Variants in NUP210 observed in about 807,000 individuals in gnomAD.
NUP210 encodes the protein nuclear pore membrane glycoprotein 210.
In NUP210, 151 loss-of-function variants were observed where a neutral mutation model predicts 196.0. The ratio of observed to expected loss-of-function variants is 0.77; its 90% CI spans 0.67 to 0.88. The LOEUF is 0.88. Ranked by LOEUF, NUP210 falls within the 40% of genes least tolerant of loss-of-function variation. NUP210 has a pLI of 0.00. For synonymous variants in NUP210, 1,070 were observed against 1,052.7 expected (o/e 1.02, Z -0.32); for missense variants, 2,314 against 2,493.7 (o/e 0.93, Z 1.53).
At chr3:13,328,183 T>C (rs905592312) in intron 31 of NUP210, among the ~76,000 whole-genome samples, 25 of 152,234 alleles carry the variant, frequency 1.6e-4, no homozygotes, top group Non-Finnish European at 3.1e-4. Context: ...AACTGATGGA[T>C]GGCAATTATG....
At chr3:13,329,947 CCTT>C (rs1696928876) in intron 30 of NUP210, among the ~76,000 whole-genome samples, 1 of 152,228 alleles carries the variant, frequency 6.6e-6, no homozygotes, top group African/African-American at 2.4e-5. Context: ...GCCTCAGTCT[CCTT>C]GTCTGGAAAA....
rs1559300714 is a variant in NUP210, at chr3:13,317,714, TGAGG to T, written c.5627_5630del (p.Pro1876GlnfsTer46). 6.2e-7 allele frequency: 1 copy of T among 1,611,274 alleles called. No homozygotes were observed. Among genetic ancestry groups the T allele is most frequent in the East Asian group, 2.2e-5 (1 of 44,788 alleles). On this transcript the variant is annotated frameshift_variant, in exon 40 of 40. Transcript: ENST00000254508. LOFTEE classifies it high-confidence loss of function. Reference sequence around the variant, plus strand: ...AGGCATAGGCTGGGCTCCACAGCCCTGAGGGAGGGCTGGCTTTGCGAGCAGGAGG... The same window carrying T: ...AGGCATAGGCTGGGCTCCACAGCCCTGAGGGCTGGCTTTGCGAGCAGGAGG...
chr3:13,391,183 G>A (rs766298597), intron 4 of NUP210, 28 bp downstream of exon 4: 1 of 1,547,838 alleles, frequency 6.5e-7, no homozygotes, highest in Non-Finnish European at 8.9e-7. Flanking sequence ...CCTTCAAAGG[G>A]GCCAGGCCTA....
chr3:13,386,757 C>T (rs1699292043), intron 5 of NUP210, among the ~76,000 whole-genome samples: 1 of 152,168 alleles, frequency 6.6e-6, no homozygotes, highest in Admixed American at 6.5e-5. Flanking sequence ...TCTCTCCACA[C>T]AAAAGCCCAA....
intron 32 of NUP210, among the ~76,000 whole-genome samples, chr3:13,326,136 C>T (rs571761718): frequency 6.6e-5 from 10 of 152,272 alleles, no homozygotes; most frequent in African/African-American, 1.4e-4. Context: ...CATCAGCTCT[C>T]CTACCCTGCT....
intron 27 of NUP210, 83 bp downstream of exon 27, chr3:13,336,704 T>C: frequency 6.9e-7 from 1 of 1,457,224 alleles, no homozygotes; most frequent in South Asian, 1.2e-5. Context: ...TGTGGGACAA[T>C]GTGGCAGGAA....
chr3:13,407,399 C>T (rs924465108), intron 1 of NUP210, among the ~76,000 whole-genome samples: 18 of 152,136 alleles, frequency 1.2e-4, no homozygotes, highest in Non-Finnish European at 2.4e-4. Context: ...ACCCTAAAGC[C>T]CTAGGGTCAG....
chr3:13,325,799 T>G lies in NUP210; in HGVS notation c.4640A>C (p.Lys1547Thr), dbSNP rs754708989. ...YEVAGHLRTY[K>T]EVVVSVPQRI... ...CTCCGGCTGCTTAGAGCCCACCTCC[T>G]TGTAGGTCCTCAGGTGCCCAGCGAC... is the stretch of plus-strand genomic sequence containing the variant. Residue 1547 changes from lysine to threonine, a missense_variant, in exon 33 of 40, where the codon AAG (lysine) becomes ACG (threonine). Coordinates refer to ENST00000254508, the MANE Select transcript of NUP210 (RefSeq NM_024923.4). 9 of 1,613,668 alleles carry G rather than the reference T, an allele frequency of 5.6e-6. No homozygotes were observed. Among genetic ancestry groups the G allele is most frequent in the Non-Finnish European group, 7.6e-6 (9 of 1,179,996 alleles).
At chr3:13,394,293 T>C (rs1355072900) in intron 3 of NUP210, among the ~76,000 whole-genome samples, 5 of 152,338 alleles carry the variant, frequency 3.3e-5, no homozygotes, top group African/African-American at 1.2e-4. Flanking sequence ...GTTCTGCTGA[T>C]GCAAGAGGCA....
intron 35 of NUP210, 82 bp from the exon 36 acceptor site, chr3:13,321,917 G>T (rs1301396558): frequency 1.1e-5 from 17 of 1,537,238 alleles, no homozygotes; most frequent in Admixed American, 1.7e-5. Context: ...TCTCTAACCA[G>T]GGGATTCCTA....
At chr3:13,374,017 C>A in intron 11 of NUP210, 144 bp from the exon 12 acceptor site, 1 of 929,428 alleles carries the variant, frequency 1.1e-6, no homozygotes. Context: ...CCCATGCACA[C>A]ACTCACCATT....
chr3:13,370,818 T>C (rs1698706415), intron 13 of NUP210, among the ~76,000 whole-genome samples: 1 of 152,248 alleles, frequency 6.6e-6, no homozygotes, highest in South Asian at 2.1e-4. Context: ...CAGGCGATCC[T>C]ACAAACACCT....
Position 13,340,815 on chromosome 3 carries a change from C to T in NUP210, c.3229-517G>A, listed in dbSNP as rs563047472. On this transcript the variant is annotated intron_variant, in intron 23 of 39. Coordinates refer to ENST00000254508, the MANE Select transcript of NUP210 (RefSeq NM_024923.4). This position sits in a 1 kb window ranked among gnomAD's most constrained non-coding sequence, Gnocchi z 4.0. ...GATTAGCCTGGGAGGAGACCAGGGA[C>T]GTTGGTGCCACTCTTTGCAGCAGGT... 5.3e-5 allele frequency among the ~76,000 whole-genome samples: 8 copies of T among 152,228 alleles called. No homozygotes were observed. The South Asian group carries it at 1.0e-3, about 20-fold the overall frequency.
intron 9 of NUP210, among the ~76,000 whole-genome samples, chr3:13,376,791 C>A (rs900278099): frequency 1.3e-5 from 2 of 152,150 alleles, no homozygotes; most frequent in African/African-American, 2.4e-5. Context: ...AAATGGTGAC[C>A]ATCCCAGCCC....
chr3:13,377,842 G>A (rs1698969659), intron 8 of NUP210, among the ~76,000 whole-genome samples: 1 of 144,226 alleles, frequency 6.9e-6, no homozygotes, highest in South Asian at 2.3e-4. Flanking sequence ...CCACCCACCT[G>A]CAGGCCCCAC....
intron 2 of NUP210, among the ~76,000 whole-genome samples, chr3:13,399,215 A>C (rs1229310425): frequency 1.3e-5 from 2 of 149,962 alleles, no homozygotes; most frequent in African/African-American, 2.5e-5. Context: ...GCAGTGAGCC[A>C]AGATCGCGCC....
chr3:13,342,027 G>A lies in NUP210; in HGVS notation c.3061C>T (p.Leu1021Phe). The A allele has an allele frequency of 6.2e-7, 1 of 1,614,204 alleles. No individual in the cohort carries two copies. Among genetic ancestry groups the A allele is most frequent in the Middle Eastern group, 1.6e-4 (1 of 6,062 alleles). Residue 1021 changes from leucine (L) to phenylalanine (F), a missense_variant, in exon 22 of 40, where the codon CTC becomes TTC. Physicochemically the swap from Leu to Phe is conservative, Grantham distance 22 (BLOSUM62 0). Coordinates refer to ENST00000254508, the MANE Select transcript of NUP210 (RefSeq NM_024923.4). ...GTAATGATCGGGGAGGCTGCTCGGA[G>A]CTTCAGGTCCATAAAGGGGAAGTAT... ...AKYFPFMDLK[L>F]RAASPIITLV...
In NUP210 at chr3:13,348,289, G is replaced by T; in HGVS notation, c.2835+3590C>A. 1.4e-6 allele frequency: 1 copy of T among 690,292 alleles called. No individual in the cohort carries two copies. The highest frequency in any genetic ancestry group is 6.3e-5 in the Admixed American group (1 of 15,950). 42.8% of individuals were successfully genotyped at this position (690,292 alleles called of 1,614,324 possible). On this transcript the variant is annotated intron_variant, in intron 20 of 39. Transcript: ENST00000254508. This position sits in a 1 kb window ranked among gnomAD's most constrained non-coding sequence, Gnocchi z 4.0. ...CTGCTCAAATGCCTCCAGAGACAGGGAGCTCACTACCTACAGCGGCAGCCT... is the reference window on the plus strand; with the variant it reads ...CTGCTCAAATGCCTCCAGAGACAGGTAGCTCACTACCTACAGCGGCAGCCT...
At chr3:13,330,145 A>G (rs943079538) in intron 30 of NUP210, among the ~76,000 whole-genome samples, 2 of 152,230 alleles carry the variant, frequency 1.3e-5, no homozygotes, top group African/African-American at 4.8e-5. Context: ...CAGTGGGTGG[A>G]GCACCCGCAC....
Sources: gnomAD v4.1 joint callset for allele counts (sites outside exome capture counted in the v4.1 genomes callset) on GRCh38, gnomAD v4.1.1 for gene constraint, Gnocchi (gnomAD v3.1) non-coding constraint, MANE v1.5 for transcripts, NCBI Gene and HGNC (gene_info 2026-07-23, HGNC 2026-07-21) for gene names.